The following PC variants were observed in gnomAD, a reference collection of about 807,000 sequenced individuals.
The protein encoded by PC is pyruvate carboxylase, mitochondrial.
Under a neutral mutation model 107.8 loss-of-function variants are expected in PC, and 46 were observed. The observed-to-expected ratio is 0.43, with a 90% CI of 0.34 to 0.55. PC has a LOEUF of 0.55. Ranked by LOEUF, PC falls within the 20% of genes least tolerant of loss-of-function variation. The pLI is 0.04. For missense variants in PC, 1,241 were observed against 1,643.1 expected (o/e 0.76, Z 4.23); for synonymous variants, 662 against 684.7 (o/e 0.97, Z 0.52).
chr11:66,900,384 G>T (rs960751406), intron 3 of PC, among the ~76,000 whole-genome samples: 3 of 151,966 alleles, frequency 2.0e-5, no homozygotes, highest in Admixed American at 6.6e-5. Flanking sequence ...GGATGGTCTT[G>T]ATCTCCTGAC....
intron 3 of PC, among the ~76,000 whole-genome samples, chr11:66,919,184 G>C (rs1238029658): frequency 6.6e-6 from 1 of 152,248 alleles, no homozygotes; most frequent in Non-Finnish European, 1.5e-5. Flanking sequence ...GGGAGGCCAA[G>C]GGAGGTGCAT....
chr11:66,948,043 A>ATAG (rs1482857874), intron 3 of PC, among the ~76,000 whole-genome samples: 8 of 151,274 alleles, frequency 5.3e-5, no homozygotes, highest in Non-Finnish European at 1.0e-4. Context: ...AGATAGATAG[A>ATAG]TAGATAGATA....
chr11:66,918,724 A>C (rs1948522743), intron 3 of PC, among the ~76,000 whole-genome samples: 1 of 152,036 alleles, frequency 6.6e-6, no homozygotes, highest in African/African-American at 2.4e-5. Flanking sequence ...GTATAGAGAT[A>C]AGTAGGGAGA....
chr11:66,908,594 C>G (rs1948237593), intron 3 of PC, among the ~76,000 whole-genome samples: 1 of 152,208 alleles, frequency 6.6e-6, no homozygotes, highest in African/African-American at 2.4e-5. Flanking sequence ...AGGCTGAGCT[C>G]TGACCAGCTC....
intron 3 of PC, among the ~76,000 whole-genome samples, chr11:66,950,503 C>A (rs912206813): frequency 6.6e-6 from 1 of 152,200 alleles, no homozygotes; most frequent in African/African-American, 2.4e-5. Flanking sequence ...AACAACACAA[C>A]AAAGGGCCAC....
At chr11:66,892,690 C>CA (rs1947620299) in intron 3 of PC, among the ~76,000 whole-genome samples, 1 of 152,026 alleles carries the variant, frequency 6.6e-6, no homozygotes, top group African/African-American at 2.4e-5. Flanking sequence ...ACTAAAAATA[C>CA]AAAAAAATTA....
chr11:66,957,750 A>T (rs1253135101), intron 1 of PC: 1 of 152,270 alleles, frequency 6.6e-6, no homozygotes, highest in Non-Finnish European at 1.5e-5. Flanking sequence ...CTCCTGAATG[A>T]GCGGCCTTGG....
Position 66,851,187 on chromosome 11 carries a change from C to T in PC, c.2076G>A (p.Ala692=), listed in dbSNP as rs753064456. 4.0e-5 allele frequency: 65 copies of T among 1,610,874 alleles called. No individual in the cohort carries two copies. Among genetic ancestry groups the T allele is most frequent in the Middle Eastern group, 1.6e-4 (1 of 6,082 alleles). The part of the protein sequence containing the change: ...YLPNMLLGME[A]AGSAGGVVEA... ...CCACCACGCCTCCGGCACTTCCTGC[C>T]GCCTCCATGCCCAGCAGCATGTTGG... Residue 692 remains alanine, a synonymous_variant, in exon 17 of 23, where the codon GCG becomes GCA. Transcript: ENST00000393960.
Position 66,856,506 on chromosome 11 carries a change from C to G in PC, c.1369-3123G>C, listed in dbSNP as rs914707953. 7 of 152,666 alleles carry G rather than the reference C, an allele frequency of 4.6e-5. No individual in the cohort carries two copies. In the East Asian group the frequency reaches 5.8e-4, roughly 13 times the overall value. 9.5% of individuals were successfully genotyped at this position (152,666 alleles called of 1,614,324 possible). On this transcript the variant is annotated intron_variant, in intron 12 of 22. Transcript: ENST00000393960. ...TGCCAGGGGCGCCGCCCCAGCCCCC[C>G]CCACGGCCGAACCCCGTGCCGGTTG... is the stretch of plus-strand genomic sequence containing the variant.
chr11:66,858,314 C>T lies in PC; in HGVS notation c.1369-4931G>A, dbSNP rs1402559099. The T allele has an allele frequency of 5.0e-6, 8 of 1,609,144 alleles. No individual in the cohort carries two copies. In the East Asian group the frequency reaches 6.7e-5, roughly 13 times the overall value. ...ACGCACTGCCCCCAGGCGCCTTCGC[C>T]CAGCTCGGTCAGCTCTCCCGCCTGG... On this transcript the variant is annotated intron_variant, in intron 12 of 22. Transcript: ENST00000393960. This position sits in a 1 kb window ranked among gnomAD's most constrained non-coding sequence, Gnocchi z 5.9.
chr11:66,863,235 G>A lies in PC; in HGVS notation c.1368+539C>T, dbSNP rs534728255. 9.1e-3 allele frequency among the ~76,000 whole-genome samples: 1,388 copies of A among 152,292 alleles called. 17 individuals are homozygous for A. Among genetic ancestry groups the A allele is most frequent in the Non-Finnish European group, 1.0e-2 (680 of 68,008 alleles). Reference sequence around the variant, plus strand: ...GGCACCTGTAGTCCCAGCTACTCGGGAGGCTGAGGCAGGAGAATCGCTTGA... The same window carrying A: ...GGCACCTGTAGTCCCAGCTACTCGGAAGGCTGAGGCAGGAGAATCGCTTGA... On this transcript the variant is annotated intron_variant, in intron 12 of 22. Coordinates refer to ENST00000393960, the MANE Select transcript of PC (RefSeq NM_001040716.2).
At chr11:66,874,856 G>A (rs1180529905) in intron 3 of PC, among the ~76,000 whole-genome samples, 2 of 152,216 alleles carry the variant, frequency 1.3e-5, no homozygotes, top group African/African-American at 4.8e-5. Context: ...CAGGGGTTTG[G>A]GGGCTGGATA....
intron 3 of PC, among the ~76,000 whole-genome samples, chr11:66,873,427 T>TA (rs1946827240): frequency 1.2e-5 from 1 of 81,556 alleles, no homozygotes; most frequent in Non-Finnish European, 2.1e-5. Flanking sequence ...TAATATATTA[T>TA]ATATATTATA....
intron 3 of PC, among the ~76,000 whole-genome samples, chr11:66,951,692 C>T (rs1310818006): frequency 2.0e-5 from 3 of 152,008 alleles, no homozygotes; most frequent in Non-Finnish European, 4.4e-5. Context: ...GAGATTGAGA[C>T]CATCCTGGCC....
intron 3 of PC, among the ~76,000 whole-genome samples, chr11:66,880,639 GC>G (rs1441902385): frequency 6.6e-6 from 1 of 152,210 alleles, no homozygotes; most frequent in Non-Finnish European, 1.5e-5. Context: ...CCCAGCAAGT[GC>G]CACCAGTCTG....
At chr11:66,916,997 G>T (rs1948477525) in intron 3 of PC, among the ~76,000 whole-genome samples, 1 of 151,524 alleles carries the variant, frequency 6.6e-6, no homozygotes, top group Non-Finnish European at 1.5e-5. Context: ...ACAAAACCTA[G>T]ATTCCAGCCC....
rs112634850 is a variant in PC, at chr11:66,857,753, G to A, written c.1369-4370C>T. 5,499 of 1,592,382 alleles carry A rather than the reference G, an allele frequency of 3.5e-3. 130 individuals carry two copies. The African/African-American group carries it at 0.058, about 17-fold the overall frequency. ...CCTACAGGGCGCTCACCATGGCCCC[G>A]CCGCTCCTGCTGCTGCTGCTGGCCA... On this transcript the variant is annotated intron_variant, in intron 12 of 22. Transcript: ENST00000393960. The surrounding 1 kb of genome is among the most constrained non-coding windows in gnomAD (Gnocchi z 7.1).
At chr11:66,949,448 C>T (rs1949387269) in intron 3 of PC, among the ~76,000 whole-genome samples, 1 of 151,928 alleles carries the variant, frequency 6.6e-6, no homozygotes, top group Non-Finnish European at 1.5e-5. Flanking sequence ...GTAATCCCAG[C>T]ACTTTGGGAG....
chr11:66,849,027 G>C lies in PC; in HGVS notation c.3409C>G (p.Leu1137Val), dbSNP rs777927070. The C allele has an allele frequency of 2.2e-5, 35 of 1,614,088 alleles. No individual in the cohort carries two copies. Among genetic ancestry groups the C allele is most frequent in the Middle Eastern group, 1.6e-4 (1 of 6,062 alleles). The change falls in exon 23 of 23, where the codon CTG becomes GTG. Residue 1137 changes from leucine (L) to valine (V), a missense_variant. This residue lies in a region of PC where 98 missense variants were observed against 91.2 expected (regional missense o/e 1.07). Transcript: ENST00000393960. ...AGAKVAKGQP[L>V]CVLSAMKMET... Reference sequence around the variant, plus strand: ...ATCTTCATGGCACTGAGCACACACAGGGGCTGGCCCTTGGCCACCTTGGCC... The same window carrying C: ...ATCTTCATGGCACTGAGCACACACACGGGCTGGCCCTTGGCCACCTTGGCC...
Sources: gnomAD v4.1 joint callset for allele counts (sites outside exome capture counted in the v4.1 genomes callset) on GRCh38, gnomAD v4.1.1 for gene constraint, gnomAD v4.1.1 regional missense constraint, Gnocchi (gnomAD v3.1) non-coding constraint, MANE v1.5 for transcripts, NCBI Gene and HGNC (gene_info 2026-07-23, HGNC 2026-07-21) for gene names.